ESYT3: variants seen among roughly 807,000 people sequenced by gnomAD.
ESYT3 encodes extended synaptotagmin-3.
A neutral mutation model predicts 111.5 loss-of-function variants in ESYT3; 101 were observed. That is an observed-to-expected ratio of 0.91 (90% CI 0.77 to 1.07). The LOEUF is 1.07. Among genes scored for constraint, ESYT3 ranks in the 50% least tolerant of loss-of-function variants. The probability of loss-of-function intolerance (pLI) is 0.00; values close to 1 mark genes in which losing one functional copy is unlikely to be tolerated. For synonymous variants in ESYT3, 416 were observed against 446.8 expected, an observed-to-expected ratio of 0.93 and a Z score of 0.87; for missense variants, 1,097 against 1,109.4, an observed-to-expected ratio of 0.99 and a Z score of 0.16.
At chr3:138,437,459 A>G (rs1213613149) in intron 1 of ESYT3, among the ~76,000 whole-genome samples, 4 of 152,176 alleles carry the variant, frequency 2.6e-5, no homozygotes, top group Non-Finnish European at 5.9e-5. Flanking sequence ...GGCACAGGGC[A>G]TTCTGGCCGA....
intron 1 of ESYT3, among the ~76,000 whole-genome samples, chr3:138,438,169 T>C (rs1347213334): frequency 1.3e-5 from 2 of 152,200 alleles, no homozygotes; most frequent in Non-Finnish European, 2.9e-5. Flanking sequence ...ATGCTGACCT[T>C]TTAGCATGCC....
rs1250125875 is a variant in ESYT3 at position 138,435,089 on chromosome 3, C to T, written c.291C>T (p.Ile97=). 3 of 1,590,062 alleles carry T rather than the reference C, an allele frequency of 1.9e-6. No homozygotes were observed. Among genetic ancestry groups the T allele is most frequent in the Non-Finnish European group, 2.6e-6 (3 of 1,170,760 alleles). Residue 97 remains isoleucine (I), a synonymous_variant, in exon 1 of 23, where the codon ATC becomes ATT. Transcript: ENST00000389567. The surrounding 1 kb of genome is among the most constrained non-coding windows in gnomAD (Gnocchi z 4.8). The part of the protein sequence containing the change: ...FEFLDNEREF[I]SRELRGQHLP... ...TCCTTGACAATGAACGCGAGTTCAT[C>T]AGCCGCGAGCTGCGGGGCCAGCACC... is the stretch of plus-strand genomic sequence containing the variant.
At chr3:138,436,040 G>A (rs879844325) in intron 1 of ESYT3, among the ~76,000 whole-genome samples, 3 of 152,154 alleles carry the variant, frequency 2.0e-5, no homozygotes, top group Non-Finnish European at 4.4e-5. Flanking sequence ...TCTCTAGCCT[G>A]TGGCCTATAA....
intron 1 of ESYT3, among the ~76,000 whole-genome samples, chr3:138,451,023 A>G (rs1224134220): frequency 6.6e-6 from 1 of 152,234 alleles, no homozygotes; most frequent in Admixed American, 6.5e-5. Flanking sequence ...GTACATGTCC[A>G]CGCTTACTCC....
intron 19 of ESYT3, 90 bp downstream of exon 19, chr3:138,473,724 C>G: frequency 3.7e-6 from 4 of 1,092,414 alleles, no homozygotes; most frequent in Non-Finnish European, 4.1e-6. Flanking sequence ...GAAAAGGGCA[C>G]ATAGTCCCAA....
At chr3:138,462,051 C>T in intron 7 of ESYT3, 35 bp from the exon 8 acceptor site, 1 of 1,612,290 alleles carries the variant, frequency 6.2e-7, no homozygotes. Flanking sequence ...GGAGGCAGTG[C>T]CACCCCTCCA....
At position 138,472,413 on chromosome 3, in the gene ESYT3, A is replaced by G; in HGVS notation, c.1791A>G (p.Glu597=). The change falls in exon 18 of 23, where the codon GAA becomes GAG. Residue 597 remains glutamate, a synonymous_variant. Transcript: ENST00000389567. ...RELGSPYTGP[E]ALKKGPLLIK... is the part of the protein sequence containing the mutation. The stretch of plus-strand genomic sequence containing the variant: ...TGGGGAGCCCATACACAGGACCTGA[A>G]GCCCTAAAGAAAGGCCCTCTGCTCA... 6.2e-7 allele frequency: 1 copy of G among 1,614,196 alleles called. No individual in the cohort carries two copies. Among genetic ancestry groups the G allele is most frequent in the Middle Eastern group, 1.6e-4 (1 of 6,062 alleles).
In ESYT3 at chr3:138,472,539, C is replaced by T. The variant is rs201862785; in HGVS notation, c.1917C>T (p.Asp639=). 2.7e-5 allele frequency: 43 copies of T among 1,614,222 alleles called. No individual in the cohort carries two copies. Among genetic ancestry groups the T allele is most frequent in the African/African-American group, 2.3e-4 (17 of 75,048 alleles). The change falls in exon 18 of 23, where the codon GAC becomes GAT. Residue 639 remains aspartate, a synonymous_variant. Transcript: ENST00000389567. ...CPPDPASDTK[D]VSRSTTTTTS... ...CAGACCCTGCTTCTGATACTAAGGACGTATCCAGGAGTACCACAACCACCA... is the reference window on the plus strand; with the variant it reads ...CAGACCCTGCTTCTGATACTAAGGATGTATCCAGGAGTACCACAACCACCA...
intron 2 of ESYT3, among the ~76,000 whole-genome samples, chr3:138,452,919 G>A (rs777616950): frequency 1.1e-4 from 17 of 152,182 alleles, no homozygotes; most frequent in Non-Finnish European, 1.9e-4. Context: ...ATTGCTGAGT[G>A]CATCAAAAAG....
At chr3:138,463,875 A>G (rs962078129) in intron 8 of ESYT3, among the ~76,000 whole-genome samples, 2 of 152,110 alleles carry the variant, frequency 1.3e-5, no homozygotes, top group East Asian at 1.9e-4. Flanking sequence ...TGTGGTGGGG[A>G]TGAGGCTCAG....
In ESYT3 at chr3:138,464,336, A is replaced by G. The variant is rs2032810171; in HGVS notation, c.916-9A>G. ...GCAGCTGTGAGCCCTGGGCTTGGAC[A>G]TTTTCCAGGGGGTGATCAGAGTGCA... is the stretch of plus-strand genomic sequence containing the variant. On this transcript the variant is annotated splice_polypyrimidine_tract_variant and intron_variant, in intron 8 of 22. Transcript: ENST00000389567. 3 of 1,613,542 alleles carry G rather than the reference A, an allele frequency of 1.9e-6. No homozygotes were observed. Among genetic ancestry groups the G allele is most frequent in the Non-Finnish European group, 2.5e-6 (3 of 1,179,732 alleles).
At chr3:138,442,370 C>G (rs1004197863) in intron 1 of ESYT3, among the ~76,000 whole-genome samples, 1 of 152,148 alleles carries the variant, frequency 6.6e-6, no homozygotes, top group African/African-American at 2.4e-5. Flanking sequence ...ACGATCATAT[C>G]CTTCATATGA....
In ESYT3 at chr3:138,478,532, C is replaced by T. The variant is rs574070689; in HGVS notation, c.*1678C>T. ...ATATGTACATCGAAACATTAGCAACCCTAAAACAGCTAATCAAAATGGCAG... is the reference window on the plus strand; with the variant it reads ...ATATGTACATCGAAACATTAGCAACTCTAAAACAGCTAATCAAAATGGCAG... On this transcript the variant is annotated 3_prime_UTR_variant, in exon 23 of 23. Transcript: ENST00000389567. 1 of 152,122 alleles carries T rather than the reference C, an allele frequency of 6.6e-6. No homozygotes were observed. The highest frequency in any genetic ancestry group is 2.1e-4 in the South Asian group (1 of 4,830). 9.4% of individuals were successfully genotyped at this position (152,122 alleles called of 1,614,324 possible).
intron 17 of ESYT3, among the ~76,000 whole-genome samples, chr3:138,471,255 A>T (rs1285003682): frequency 6.6e-6 from 1 of 152,154 alleles, no homozygotes; most frequent in East Asian, 1.9e-4. Flanking sequence ...CTCTCTCTAG[A>T]ATTTTCTATA....
intron 11 of ESYT3, among the ~76,000 whole-genome samples, chr3:138,467,897 A>G (rs1040349939): frequency 6.6e-6 from 1 of 152,032 alleles, no homozygotes; most frequent in African/African-American, 2.4e-5. Flanking sequence ...TTAATCCCAC[A>G]GTGTAGCACT....
chr3:138,475,620 G>T (rs2033442730), intron 20 of ESYT3, among the ~76,000 whole-genome samples: 1 of 152,142 alleles, frequency 6.6e-6, no homozygotes, highest in Non-Finnish European at 1.5e-5. Flanking sequence ...AGGGTGAGGA[G>T]GGCCAGCTAA....
chr3:138,435,143 G>A lies in ESYT3; in HGVS notation c.327+18G>A. The A allele has an allele frequency of 6.4e-7, 1 of 1,551,502 alleles. No individual in the cohort carries two copies. On this transcript the variant is annotated intron_variant, in intron 1 of 22. Transcript: ENST00000389567. The surrounding 1 kb of genome is among the most constrained non-coding windows in gnomAD (Gnocchi z 4.8). ...CAGCCTGGGTGAGCCAAGCCGGGTG[G>A]GAGTGGGAGGTGGGGAGATGCCTTT...
At chr3:138,438,373 G>A (rs1048307927) in intron 1 of ESYT3, among the ~76,000 whole-genome samples, 3 of 152,148 alleles carry the variant, frequency 2.0e-5, no homozygotes, top group Admixed American at 6.5e-5. Context: ...CTGTACTCTA[G>A]CCCCCAGTGG....
rs2033626359 is a variant in ESYT3, at chr3:138,479,401, T to C, written c.*2547T>C. 1 of 152,218 alleles carries C rather than the reference T, an allele frequency of 6.6e-6. No individual in the cohort carries two copies. The highest frequency in any genetic ancestry group is 2.4e-5 in the African/African-American group (1 of 41,446). 9.4% of individuals were successfully genotyped at this position (152,218 alleles called of 1,614,324 possible). On this transcript the variant is annotated 3_prime_UTR_variant, in exon 23 of 23. Coordinates refer to ENST00000389567, the MANE Select transcript of ESYT3 (RefSeq NM_031913.5). Reference sequence around the variant, plus strand: ...AGTAAGTATTCAAGACCATATCTTATTTAGGAAGCTAAAGATACTCATCTT... The same window carrying C: ...AGTAAGTATTCAAGACCATATCTTACTTAGGAAGCTAAAGATACTCATCTT...
Sources: gnomAD v4.1 joint callset for allele counts (sites outside exome capture counted in the v4.1 genomes callset) on GRCh38, gnomAD v4.1.1 for gene constraint, Gnocchi (gnomAD v3.1) non-coding constraint, MANE v1.5 for transcripts, NCBI Gene and HGNC (gene_info 2026-07-23, HGNC 2026-07-21) for gene names.